The following PITPNM3 variants were observed in gnomAD, a reference collection of about 807,000 sequenced individuals.
PITPNM3 encodes membrane-associated phosphatidylinositol transfer protein 3.
In PITPNM3, 26 loss-of-function variants were observed where a neutral mutation model predicts 102.0. The ratio of observed to expected loss-of-function variants is 0.25; its 90% confidence interval spans 0.19 to 0.35. The LOEUF is 0.35. Among genes scored for constraint, PITPNM3 ranks in the 10% least tolerant of loss-of-function variants. The pLI is 1.00. For missense variants in PITPNM3, 1,083 were observed against 1,346.1 expected (o/e 0.80, Z 3.06); for synonymous variants, 578 against 558.6 (o/e 1.03, Z -0.49).
chr17:6,556,395 C>G lies in PITPNM3; in HGVS notation c.12G>C (p.Ala4=), dbSNP rs1321199895. 2.9e-6 allele frequency: 4 copies of G among 1,364,228 alleles called. No individual in the cohort carries two copies. In the East Asian group the frequency reaches 1.3e-4, roughly 44 times the overall value. 84.5% of individuals were successfully genotyped at this position (1,364,228 alleles called of 1,614,324 possible). A position where few individuals can be genotyped will look rare whatever the true frequency, so the allele number is the denominator to read the frequency against. MAK[A]GRAGGPPPGG... is the part of the protein sequence containing the mutation. Reference sequence around the variant, plus strand: ...CGCGCCCGCCCTCACCTGCACGGCCCGCCTTGGCCATGTCCCGGGCGGCGG... The same window carrying G: ...CGCGCCCGCCCTCACCTGCACGGCCGGCCTTGGCCATGTCCCGGGCGGCGG... Residue 4 remains alanine, a synonymous_variant, in exon 1 of 20, where the codon GCG becomes GCC. Coordinates refer to ENST00000262483, the MANE Select transcript of PITPNM3 (RefSeq NM_031220.4). This position sits in a 1 kb window ranked among gnomAD's most constrained non-coding sequence, Gnocchi z 5.2.
At chr17:6,503,278 G>C (rs967792030) in intron 4 of PITPNM3, among the ~76,000 whole-genome samples, 4 of 152,184 alleles carry the variant, frequency 2.6e-5, no homozygotes, top group Admixed American at 2.0e-4. Flanking sequence ...TCCCCAGAGA[G>C]GGGGACATGA....
chr17:6,534,392 C>A (rs922032273), intron 2 of PITPNM3, among the ~76,000 whole-genome samples: 3 of 152,196 alleles, frequency 2.0e-5, no homozygotes. Flanking sequence ...AACCAGAGAC[C>A]CCCAGAACCC....
chr17:6,504,244 AG>A (rs1907355178), intron 3 of PITPNM3, among the ~76,000 whole-genome samples: 1 of 152,054 alleles, frequency 6.6e-6, no homozygotes, highest in East Asian at 1.9e-4. Flanking sequence ...ACAGAACTGA[AG>A]GGCAACTCCA....
intron 17 of PITPNM3, 38 bp from the exon 18 acceptor site, chr17:6,461,594 G>A (rs748974616): frequency 6.2e-7 from 1 of 1,606,246 alleles, no homozygotes; most frequent in South Asian, 1.1e-5. Flanking sequence ...GCCCTGCCCA[G>A]TGCAGGCCAC....
intron 10 of PITPNM3, 86 bp downstream of exon 10, chr17:6,474,346 G>T: frequency 1.3e-6 from 2 of 1,516,418 alleles, no homozygotes; most frequent in South Asian, 2.3e-5. Flanking sequence ...CCCTGTCCCC[G>T]ACTTCACTCT....
Position 6,478,226 on chromosome 17 carries a change from C to T in PITPNM3, c.778-129G>A. ...GTCCTTGGGAGGTGTTGAGAGAGCC[C>T]AACTGGGAAGCAGTGTGCAAACTGG... On this transcript the variant is annotated intron_variant, in intron 7 of 19. Transcript: ENST00000262483. This position sits in a 1 kb window ranked among gnomAD's most constrained non-coding sequence, Gnocchi z 4.4. 1.4e-6 allele frequency: 2 copies of T among 1,471,714 alleles called. No homozygotes were observed. Among genetic ancestry groups the T allele is most frequent in the Admixed American group, 1.9e-5 (1 of 53,122 alleles). 91.2% of individuals were successfully genotyped at this position (1,471,714 alleles called of 1,614,324 possible).
At chr17:6,499,408 T>G (rs1417896141) in intron 4 of PITPNM3, among the ~76,000 whole-genome samples, 1 of 152,196 alleles carries the variant, frequency 6.6e-6, no homozygotes, top group Non-Finnish European at 1.5e-5. Context: ...CCCTGTGCTG[T>G]CTGGCTGGCT....
chr17:6,487,070 GGTGTGTGCGGCT>G (rs943318393), intron 4 of PITPNM3, among the ~76,000 whole-genome samples: 8 of 152,164 alleles, frequency 5.3e-5, no homozygotes, highest in African/African-American at 1.9e-4. Flanking sequence ...CATGCTTCAT[GGTGTGTGCGGCT>G]GTGTGTGCGG....
rs11654175 is a variant in PITPNM3 at position 6,470,417 on chromosome 17, C to T, written c.1625-9G>A. 0.42 allele frequency: 678,618 copies of T among 1,613,536 alleles called. 148,767 individuals carry two copies. The highest frequency in any genetic ancestry group is 0.48 in the Middle Eastern group (2,925 of 6,062). Reference sequence around the variant, plus strand: ...CCACCACTTGGCTGTGACTGTGGGTCGGAGAGGAAGGTGAGGATGCGTGGC... The same window carrying T: ...CCACCACTTGGCTGTGACTGTGGGTTGGAGAGGAAGGTGAGGATGCGTGGC... On this transcript the variant is annotated splice_polypyrimidine_tract_variant and intron_variant, in intron 12 of 19. Transcript: ENST00000262483. The surrounding 1 kb of genome is among the most constrained non-coding windows in gnomAD (Gnocchi z 4.8).
intron 1 of PITPNM3, among the ~76,000 whole-genome samples, chr17:6,547,064 C>T (rs1467064495): frequency 1.3e-5 from 2 of 152,036 alleles, no homozygotes; most frequent in Non-Finnish European, 2.9e-5. Context: ...GGGATTTCCA[C>T]AGCCTCTGCT....
At chr17:6,483,944 ATACACCCTGCT>A (rs1316303832) in intron 5 of PITPNM3, among the ~76,000 whole-genome samples, 192 bp from the exon 6 acceptor site, 1 of 152,164 alleles carries the variant, frequency 6.6e-6, no homozygotes, top group Non-Finnish European at 1.5e-5. Context: ...CTCAGCTCTA[ATACACCCTGCT>A]GTGTGATAGA....
chr17:6,466,611 G>A (rs529298842), intron 14 of PITPNM3, among the ~76,000 whole-genome samples: 1 of 152,314 alleles, frequency 6.6e-6, no homozygotes, highest in African/African-American at 2.4e-5. Flanking sequence ...TGCTGAAGAT[G>A]CGGAGAAATC....
Position 6,472,639 on chromosome 17 carries a change from C to T in PITPNM3, c.1429+18G>A. On this transcript the variant is annotated intron_variant, in intron 11 of 19. Transcript: ENST00000262483. This position sits in a 1 kb window ranked among gnomAD's most constrained non-coding sequence, Gnocchi z 4.1. ...CACCTCCAGCTCAGCACACTCTCTC[C>T]CACCCCCAAGAACCTACCGAGGAGG... 2 of 1,609,078 alleles carry T rather than the reference C, an allele frequency of 1.2e-6. No homozygotes were observed. Among genetic ancestry groups the T allele is most frequent in the South Asian group, 2.2e-5 (2 of 90,266 alleles).
intron 1 of PITPNM3, among the ~76,000 whole-genome samples, chr17:6,552,508 G>A (rs1241986083): frequency 6.6e-6 from 1 of 152,188 alleles, no homozygotes; most frequent in African/African-American, 2.4e-5. Flanking sequence ...CCAGCCAGAG[G>A]GATCTGTCGA....
chr17:6,526,322 T>C (rs1908832146), intron 2 of PITPNM3, among the ~76,000 whole-genome samples: 1 of 152,160 alleles, frequency 6.6e-6, no homozygotes, highest in Non-Finnish European at 1.5e-5. Flanking sequence ...GGACATTTCT[T>C]CAAAGACAAA....
At chr17:6,508,902 T>A (rs546324275) in intron 3 of PITPNM3, among the ~76,000 whole-genome samples, 33 of 152,178 alleles carry the variant, frequency 2.2e-4, no homozygotes, top group Non-Finnish European at 4.1e-4. Context: ...GCTTCCTGAT[T>A]TAGCAGGCTC....
intron 2 of PITPNM3, among the ~76,000 whole-genome samples, chr17:6,529,366 G>A (rs1040718990): frequency 2.0e-5 from 3 of 152,084 alleles, no homozygotes; most frequent in Admixed American, 6.6e-5. Context: ...AGGCTGAGGC[G>A]GGCAAATCAC....
chr17:6,532,565 T>C (rs187056394), intron 2 of PITPNM3, among the ~76,000 whole-genome samples: 7 of 152,244 alleles, frequency 4.6e-5, no homozygotes, highest in East Asian at 3.9e-4. Flanking sequence ...GTCCTAGACT[T>C]GTGTATAAAT....
At chr17:6,473,230 C>T (rs1905144766) in intron 10 of PITPNM3, 1 of 322,860 alleles carries the variant, frequency 3.1e-6, no homozygotes, top group South Asian at 2.7e-5. Flanking sequence ...TCAGCTGCCC[C>T]TTCCACAGGC....
Sources: gnomAD v4.1 joint callset for allele counts (sites outside exome capture counted in the v4.1 genomes callset) on GRCh38, gnomAD v4.1.1 for gene constraint, Gnocchi (gnomAD v3.1) non-coding constraint, MANE v1.5 for transcripts, NCBI Gene and HGNC (gene_info 2026-07-23, HGNC 2026-07-21) for gene names.